The following NECAB1 variants were observed in gnomAD, a reference collection of about 807,000 sequenced individuals.
NECAB1 encodes the protein N-terminal EF-hand calcium-binding protein 1.
A neutral mutation model predicts 57.5 loss-of-function variants in NECAB1; 29 were observed. That is an observed-to-expected ratio of 0.50 (90% CI 0.38 to 0.69). The LOEUF (loss-of-function observed/expected upper bound fraction) is 0.69. NECAB1 is among the 30% of genes least tolerant of loss of function. The pLI is 0.00. For synonymous variants in NECAB1, 142 were observed against 147.7 expected (o/e 0.96, Z 0.28); for missense variants, 372 against 413.8 (o/e 0.90, Z 0.88).
chr8:90,796,612 A>T (rs1811664926), intron 1 of NECAB1, among the ~76,000 whole-genome samples: 1 of 152,230 alleles, frequency 6.6e-6, no homozygotes, highest in South Asian at 2.1e-4. Context: ...ATAATCTTTG[A>T]ATTGTAGCGA....
intron 2 of NECAB1, among the ~76,000 whole-genome samples, chr8:90,817,760 C>T (rs1812082135): frequency 6.6e-6 from 1 of 151,602 alleles, no homozygotes; most frequent in Non-Finnish European, 1.5e-5. Context: ...CTATATTGCT[C>T]TGTTGTTTTC....
intron 5 of NECAB1, among the ~76,000 whole-genome samples, chr8:90,915,216 T>C (rs1007734699): frequency 6.6e-6 from 1 of 152,146 alleles, no homozygotes; most frequent in Non-Finnish European, 1.5e-5. Context: ...TTTTAATAAA[T>C]TTTATTTTTT....
rs868766739 is a variant in NECAB1, at chr8:90,955,497, G to A, written c.1041G>A (p.Trp347Ter). ...TSTMLVPASW[W>*]ILNN is the part of the protein sequence containing the mutation. The stretch of plus-strand genomic sequence containing the variant: ...TTTTTCTCTTTTCAGCTTCGTGGTG[G>A]ATCCTGAACAACTAGATGTTCCTAG... The change falls in exon 13 of 13, where the codon TGG becomes TGA. Residue 347 changes from tryptophan to a stop codon, truncating the protein, a stop_gained. Coordinates refer to ENST00000417640, the MANE Select transcript of NECAB1 (RefSeq NM_022351.5). LOFTEE classifies it high-confidence loss of function. The A allele has an allele frequency of 1.3e-6, 2 of 1,552,284 alleles. No homozygotes were observed. Among genetic ancestry groups the A allele is most frequent in the Non-Finnish European group, 1.7e-6 (2 of 1,146,410 alleles).
At chr8:90,913,210 C>CTAGGA (rs1444853505) in intron 5 of NECAB1, among the ~76,000 whole-genome samples, 1 of 152,150 alleles carries the variant, frequency 6.6e-6, no homozygotes, top group Non-Finnish European at 1.5e-5. Context: ...GCTTCCAATG[C>CTAGGA]TAGGATTTTT....
intron 12 of NECAB1, among the ~76,000 whole-genome samples, chr8:90,954,998 T>C (rs1410111231): frequency 1.6e-5 from 2 of 125,072 alleles, no homozygotes; most frequent in African/African-American, 5.6e-5. Flanking sequence ...TGTATGTATA[T>C]GTACACATAT....
At chr8:90,948,896 G>C (rs552134921) in intron 10 of NECAB1, among the ~76,000 whole-genome samples, 1 of 152,154 alleles carries the variant, frequency 6.6e-6, no homozygotes, top group South Asian at 2.1e-4. Context: ...AAATCCTTCA[G>C]TGACTTCTCA....
chr8:90,881,131 G>A lies in NECAB1; in HGVS notation c.357+1G>A. 6.4e-7 allele frequency: 1 copy of A among 1,563,850 alleles called. No individual in the cohort carries two copies. The highest frequency in any genetic ancestry group is 8.7e-7 in the Non-Finnish European group (1 of 1,147,956). On this transcript the variant is annotated splice_donor_variant, in intron 5 of 12. Transcript: ENST00000417640. LOFTEE classifies it high-confidence loss of function. The stretch of plus-strand genomic sequence containing the variant: ...GAAGGCAATGGGCAAAACAAAGAAA[G>A]TAAGAAAATGTTAATGTTTATTTTC...
At chr8:90,917,432 A>G in intron 5 of NECAB1, 60 bp from the exon 6 acceptor site, 20 of 1,506,096 alleles carry the variant, frequency 1.3e-5, no homozygotes, top group Non-Finnish European at 1.8e-5. Flanking sequence ...AAGAAAAAAA[A>G]AAAATCCTGG....
chr8:90,906,484 C>T (rs1051035368), intron 5 of NECAB1, among the ~76,000 whole-genome samples: 1 of 152,102 alleles, frequency 6.6e-6, no homozygotes, highest in Non-Finnish European at 1.5e-5. Flanking sequence ...AAATCTGGAA[C>T]TTAAGAGTCT....
chr8:90,952,509 T>A (rs2130278608), intron 12 of NECAB1, among the ~76,000 whole-genome samples: 1 of 152,224 alleles, frequency 6.6e-6, no homozygotes, highest in East Asian at 1.9e-4. Context: ...CTGGGCGCGG[T>A]GGCTCACGCC....
At chr8:90,885,393 G>C (rs1257452293) in intron 5 of NECAB1, among the ~76,000 whole-genome samples, 1 of 152,156 alleles carries the variant, frequency 6.6e-6, no homozygotes, top group Non-Finnish European at 1.5e-5. Flanking sequence ...ACTTCTCCAA[G>C]CCAAGTTGCC....
intron 2 of NECAB1, among the ~76,000 whole-genome samples, chr8:90,816,123 T>G (rs1812057565): frequency 6.6e-6 from 1 of 151,956 alleles, no homozygotes; most frequent in Non-Finnish European, 1.5e-5. Context: ...ATATGGAACA[T>G]CTCAAATGCT....
intron 5 of NECAB1, among the ~76,000 whole-genome samples, chr8:90,901,147 G>A (rs894642093): frequency 1.3e-5 from 2 of 151,440 alleles, no homozygotes; most frequent in African/African-American, 4.9e-5. Context: ...ATTCATTCCA[G>A]CATAGGCTTT....
At chr8:90,804,033 T>C (rs1310316920) in intron 2 of NECAB1, among the ~76,000 whole-genome samples, 1 of 152,210 alleles carries the variant, frequency 6.6e-6, no homozygotes. Context: ...TGGAGACTGC[T>C]TGTTGGCTGG....
At chr8:90,909,061 AC>A (rs1449122195) in intron 5 of NECAB1, among the ~76,000 whole-genome samples, 1 of 152,170 alleles carries the variant, frequency 6.6e-6, no homozygotes, top group Non-Finnish European at 1.5e-5. Context: ...ACAAGTAAGC[AC>A]GTTCTTCTGA....
intron 2 of NECAB1, chr8:90,813,194 ATAAATAAAT>A (rs939585858): frequency 2.1e-5 from 3 of 144,690 alleles, no homozygotes; most frequent in African/African-American, 8.2e-5. Flanking sequence ...TCTCAAAATA[ATAAATAAAT>A]TAAATAAATA....
chr8:90,930,032 CA>C (rs940545774), intron 8 of NECAB1, among the ~76,000 whole-genome samples: 27 of 151,352 alleles, frequency 1.8e-4, no homozygotes, highest in African/African-American at 6.1e-4. Context: ...AGTGACAAAC[CA>C]AAAAAAATCC....
At chr8:90,808,241 G>A (rs1476525213) in intron 2 of NECAB1, among the ~76,000 whole-genome samples, 1 of 152,194 alleles carries the variant, frequency 6.6e-6, no homozygotes, top group African/African-American at 2.4e-5. Flanking sequence ...AGGGCACACA[G>A]CATAGACTTA....
chr8:90,915,642 T>C (rs990052849), intron 5 of NECAB1, among the ~76,000 whole-genome samples: 2 of 152,188 alleles, frequency 1.3e-5, no homozygotes, highest in African/African-American at 4.8e-5. Flanking sequence ...TTAAGGATAA[T>C]TGATTCACAC....
Sources: gnomAD v4.1 joint callset for allele counts (sites outside exome capture counted in the v4.1 genomes callset) on GRCh38, gnomAD v4.1.1 for gene constraint, MANE v1.5 for transcripts, NCBI Gene and HGNC (gene_info 2026-07-23, HGNC 2026-07-21) for gene names.